The following TMIGD3 variants were observed in gnomAD, a reference collection of about 807,000 sequenced individuals.
TMIGD3 encodes the protein AD026 protein (AD026).
Under a neutral mutation model 28.1 loss-of-function variants are expected in TMIGD3, and 21 were observed. The ratio of observed to expected loss-of-function variants is 0.75; its 90% confidence interval spans 0.53 to 1.08. The LOEUF is 1.08. Among genes scored for constraint, TMIGD3 ranks in the 50% least tolerant of loss-of-function variants. The probability of loss-of-function intolerance (pLI) is 0.00; values close to 1 mark genes in which losing one functional copy is unlikely to be tolerated. For synonymous variants in TMIGD3, 151 were observed against 162.1 expected (o/e 0.93, Z 0.52); for missense variants, 416 against 435.6 (o/e 0.96, Z 0.40).
At chr1:111,523,054 T>C (rs1656133287) in intron 1 of TMIGD3, among the ~76,000 whole-genome samples, 5 of 152,252 alleles carry the variant, frequency 3.3e-5, no homozygotes, top group Admixed American at 3.3e-4. Flanking sequence ...CCATGCTTAC[T>C]TCTTCCTGAT....
At chr1:111,524,220 G>C (rs1557834954) in intron 1 of TMIGD3, among the ~76,000 whole-genome samples, 1 of 151,528 alleles carries the variant, frequency 6.6e-6, no homozygotes, top group Non-Finnish European at 1.5e-5. Flanking sequence ...TAGTAGAGAT[G>C]GGGTTTCACC....
chr1:111,527,926 C>T (rs1156504270), intron 1 of TMIGD3, among the ~76,000 whole-genome samples: 1 of 152,050 alleles, frequency 6.6e-6, no homozygotes, highest in Non-Finnish European at 1.5e-5. Flanking sequence ...ATGTCTTTTG[C>T]AAAAATTATC....
chr1:111,523,019 T>C (rs773500639), intron 1 of TMIGD3, among the ~76,000 whole-genome samples: 1 of 152,212 alleles, frequency 6.6e-6, no homozygotes, highest in Non-Finnish European at 1.5e-5. Context: ...TTTAGCACAA[T>C]GTTAAATAGA....
chr1:111,538,365 G>A (rs961519008), intron 1 of TMIGD3, among the ~76,000 whole-genome samples: 8 of 152,168 alleles, frequency 5.3e-5, no homozygotes, highest in Non-Finnish European at 1.2e-4. Flanking sequence ...CAGAAATGGC[G>A]AGGTCTTTCT....
chr1:111,545,475 T>C (rs1173964897), intron 1 of TMIGD3, among the ~76,000 whole-genome samples: 2 of 152,166 alleles, frequency 1.3e-5, no homozygotes, highest in Non-Finnish European at 2.9e-5. Flanking sequence ...GGATTATTTG[T>C]CCTTTTATTG....
chr1:111,506,982 C>G (rs150409515), upstream of TMIGD3, among the ~76,000 whole-genome samples: 7,021 of 140,790 alleles, frequency 0.05, 195 homozygotes, highest in African/African-American at 0.072. Context: ...CACACATATA[C>G]ATATATATAC....
At chr1:111,486,722 A>C (rs1194271394) in intron 3 of TMIGD3, 70 bp from the exon 4 acceptor site, 2 of 1,284,180 alleles carry the variant, frequency 1.6e-6, no homozygotes, top group East Asian at 4.6e-5. Flanking sequence ...TCCCAGCTGC[A>C]GCTCTGCCTG....
intron 1 of TMIGD3, among the ~76,000 whole-genome samples, chr1:111,539,235 G>A (rs1283139151): frequency 6.6e-6 from 1 of 152,142 alleles, no homozygotes; most frequent in African/African-American, 2.4e-5. Context: ...ATGCTCTTCA[G>A]CCCATGCCTG....
intron 1 of TMIGD3, among the ~76,000 whole-genome samples, chr1:111,525,664 A>C (rs573875530): frequency 1.6e-4 from 25 of 152,272 alleles, no homozygotes; most frequent in Admixed American, 7.2e-4. Flanking sequence ...GGAGTTTGAG[A>C]CCAGCCTGGC....
At chr1:111,514,883 A>G (rs1198603707) in intron 1 of TMIGD3, among the ~76,000 whole-genome samples, 2 of 152,296 alleles carry the variant, frequency 1.3e-5, no homozygotes, top group African/African-American at 2.4e-5. Flanking sequence ...ACATAGCCCT[A>G]TAATAGAGCC....
upstream of TMIGD3, chr1:111,503,931 C>G (rs1249299376): frequency 1.0e-6 from 1 of 985,232 alleles, no homozygotes; most frequent in African/African-American, 1.7e-5. Flanking sequence ...GCTGGAAGCA[C>G]TGACTATGCA....
rs766510647 is a variant in TMIGD3 at position 111,488,965 on chromosome 1, T to C, written c.517A>G (p.Ile173Val). Residue 173 changes from isoleucine to valine, a missense_variant, in exon 3 of 6, where the codon ATC (isoleucine) becomes GTC (valine). Physicochemically the swap from Ile to Val is conservative, Grantham distance 29. Transcript: ENST00000369716. ...TTGTAGTGGGCATTGTAGTTGCAGA[T>C]GGCAGAAGCCGTGTCCAGCACAAAG... is the stretch of plus-strand genomic sequence containing the variant. Reference protein sequence around the residue: ...RSFVLDTASAICNYNAHYKNH... With the variant: ...RSFVLDTASAVCNYNAHYKNH... 6 of 1,614,198 alleles carry C rather than the reference T, an allele frequency of 3.7e-6. No individual in the cohort carries two copies. The South Asian group carries it at 6.6e-5, about 18-fold the overall frequency.
chr1:111,515,704 C>T (rs980056855), intron 1 of TMIGD3, among the ~76,000 whole-genome samples: 2 of 152,196 alleles, frequency 1.3e-5, no homozygotes, highest in Admixed American at 6.5e-5. Context: ...CCCCGACAAC[C>T]CCCCAGAAGT....
At chr1:111,535,541 C>T (rs1174980487) in intron 1 of TMIGD3, among the ~76,000 whole-genome samples, 1 of 152,222 alleles carries the variant, frequency 6.6e-6, no homozygotes, top group Non-Finnish European at 1.5e-5. Context: ...AGTCCAAGAA[C>T]TTGCCCACCT....
At chr1:111,503,650 C>A, upstream of TMIGD3, 1 of 1,149,418 alleles carries the variant, frequency 8.7e-7, no homozygotes, top group Non-Finnish European at 1.1e-6. Flanking sequence ...GAAAGTGCTG[C>A]TGCTCTTAGT....
rs187987742 is a variant in TMIGD3 at position 111,545,217 on chromosome 1, A to G, written c.107+18629T>C. 6.6e-5 allele frequency among the ~76,000 whole-genome samples: 10 copies of G among 152,244 alleles called. No homozygotes were observed. The East Asian group carries it at 1.9e-3, about 29-fold the overall frequency. ...GAGCTACCAAACTGTTTTCCATAGC[A>G]GCTGCACCATTTCATTCCCACCGGC... On this transcript the variant is annotated intron_variant, in intron 1 of 5. Transcript: ENST00000369717.
intron 1 of TMIGD3, among the ~76,000 whole-genome samples, chr1:111,539,664 A>G (rs1656752067): frequency 6.6e-6 from 1 of 152,202 alleles, no homozygotes; most frequent in Non-Finnish European, 1.5e-5. Flanking sequence ...AGCTACTCAT[A>G]ACCTTACACA....
At chr1:111,489,696 CCCTA>C (rs1654565814) in intron 2 of TMIGD3, 28 of 1,091,312 alleles carry the variant, frequency 2.6e-5, no homozygotes, top group Non-Finnish European at 3.2e-5. Flanking sequence ...CTAGCTCCCA[CCCTA>C]CCTTAGCACC....
chr1:111,484,726 C>G (rs1654278131), intron 5 of TMIGD3, among the ~76,000 whole-genome samples: 1 of 152,180 alleles, frequency 6.6e-6, no homozygotes, highest in Non-Finnish European at 1.5e-5. Context: ...GCAAGGGTTA[C>G]TAGGAGTGTT....
Sources: gnomAD v4.1 joint callset for allele counts (sites outside exome capture counted in the v4.1 genomes callset) on GRCh38, gnomAD v4.1.1 for gene constraint, MANE v1.5 for transcripts, NCBI Gene and HGNC (gene_info 2026-07-23, HGNC 2026-07-21) for gene names.